The following NPEPPS variants were observed in gnomAD, a reference collection of about 807,000 sequenced individuals.
The protein encoded by NPEPPS is puromycin-sensitive aminopeptidase.
A neutral mutation model predicts 115.5 loss-of-function variants in NPEPPS; 14 were observed. The ratio of observed to expected loss-of-function variants is 0.12; its 90% confidence interval spans 0.08 to 0.19. The LOEUF is 0.19. Ranked by LOEUF, NPEPPS falls within the 10% of genes least tolerant of loss-of-function variation. The probability of loss-of-function intolerance (pLI) is 1.00; values close to 1 mark genes in which losing one functional copy is unlikely to be tolerated. For missense variants in NPEPPS, 523 were observed against 1,110.8 expected, an observed-to-expected ratio of 0.47 and a Z score of 7.52; for synonymous variants, 285 against 390.6, an observed-to-expected ratio of 0.73 and a Z score of 3.19.
intron 1 of NPEPPS, among the ~76,000 whole-genome samples, chr17:47,531,885 C>G (rs529419960): frequency 2.6e-5 from 4 of 152,172 alleles, no homozygotes; most frequent in African/African-American, 9.6e-5. Flanking sequence ...GCCCCGGACC[C>G]TTCTGGGCTT....
Position 47,622,679 on chromosome 17 carries a change from A to G in NPEPPS, c.*759A>G, listed in dbSNP as rs1416771697. ...AAGAAATAATAAGGAAACATCTTTC[A>G]TAGCCACATTAAATAAGAGAAACTG... On this transcript the variant is annotated 3_prime_UTR_variant, in exon 23 of 23. Transcript: ENST00000322157. 2.9e-6 allele frequency: 1 copy of G among 348,536 alleles called. No individual in the cohort carries two copies. Among genetic ancestry groups the G allele is most frequent in the Non-Finnish European group, 5.4e-6 (1 of 185,928 alleles). 21.6% of individuals were successfully genotyped at this position (348,536 alleles called of 1,614,324 possible). A position where few individuals can be genotyped will look rare whatever the true frequency, so the allele number is the denominator to read the frequency against.
In NPEPPS at chr17:47,610,532, C is replaced by T. The variant is rs193235509; in HGVS notation, c.2096-1928C>T. ...CCCAGTAGCTGGGGCTACAGGTGCACGCCACCACGCCCAGCTAATTTTTGT... is the reference window on the plus strand; with the variant it reads ...CCCAGTAGCTGGGGCTACAGGTGCATGCCACCACGCCCAGCTAATTTTTGT... On this transcript the variant is annotated intron_variant, in intron 17 of 22. Coordinates refer to ENST00000322157, the MANE Select transcript of NPEPPS (RefSeq NM_006310.4). Among the ~76,000 whole-genome samples the T allele has an allele frequency of 5.1e-3, 775 of 151,526 alleles. 5 individuals carry two copies. The highest frequency in any genetic ancestry group is 0.014 in the Middle Eastern group (4 of 294).
chr17:47,622,126 A>C lies in NPEPPS; in HGVS notation c.*206A>C. On this transcript the variant is annotated 3_prime_UTR_variant, in exon 23 of 23. Transcript: ENST00000322157. Reference sequence around the variant, plus strand: ...AAAATCAGCAATTCAGCAAAAAATAAATAAAAAATAAAAATGTAAATATGA... The same window carrying C: ...AAAATCAGCAATTCAGCAAAAAATACATAAAAAATAAAAATGTAAATATGA... The C allele has an allele frequency of 7.9e-7, 1 of 1,260,526 alleles. No individual in the cohort carries two copies. Among genetic ancestry groups the C allele is most frequent in the Non-Finnish European group, 1.0e-6 (1 of 994,442 alleles). The allele number at this position is 1,260,526 out of a possible 1,614,324, so 78.1% of individuals were successfully genotyped here.
At chr17:47,549,468 G>A (rs1909475377) in intron 2 of NPEPPS, among the ~76,000 whole-genome samples, 1 of 152,054 alleles carries the variant, frequency 6.6e-6, no homozygotes, top group African/African-American at 2.4e-5. Context: ...ATGGGAAGTT[G>A]TATGAGTTGT....
At chr17:47,530,351 GT>G (rs58886094), upstream of NPEPPS, among the ~76,000 whole-genome samples, 338 of 97,784 alleles carry the variant, frequency 3.5e-3, no homozygotes, top group African/African-American at 9.9e-3. Flanking sequence ...ATTATTAAAG[GT>G]TTTTTTTTTT....
rs1282710801 is a variant in NPEPPS, at chr17:47,601,645, C to T, written c.1638C>T (p.Ile546=). ...DCPQWMVPIT[I]STSEDPNQAK... ...CCCAGTGGATGGTCCCTATCACAAT[C>T]TCTACTAGTGAAGACCCCAACCAGG... is the stretch of plus-strand genomic sequence containing the variant. Residue 546 remains isoleucine (I), a synonymous_variant, in exon 15 of 23, where the codon ATC becomes ATT. Coordinates refer to ENST00000322157, the MANE Select transcript of NPEPPS (RefSeq NM_006310.4). 2 of 1,612,482 alleles carry T rather than the reference C, an allele frequency of 1.2e-6. No individual in the cohort carries two copies. Among genetic ancestry groups the T allele is most frequent in the African/African-American group, 2.7e-5 (2 of 74,796 alleles).
At chr17:47,563,717 C>A (rs547770875) in intron 2 of NPEPPS, among the ~76,000 whole-genome samples, 2 of 152,004 alleles carry the variant, frequency 1.3e-5, no homozygotes, top group East Asian at 3.9e-4. Context: ...ACTATAGGCA[C>A]GTGCCACCAC....
chr17:47,597,986 G>A (rs1457095664), intron 13 of NPEPPS, among the ~76,000 whole-genome samples: 1 of 152,174 alleles, frequency 6.6e-6, no homozygotes. Context: ...ATACCTGTAA[G>A]TTTAGTGACC....
Position 47,612,467 on chromosome 17 carries a change from C to G in NPEPPS, c.2103C>G (p.Leu701=), listed in dbSNP as rs201093766. The change falls in exon 18 of 23, where the codon CTC becomes CTG. Residue 701 remains leucine (L), a synonymous_variant. Coordinates refer to ENST00000322157, the MANE Select transcript of NPEPPS (RefSeq NM_006310.4). ...GWDPKPGEGH[L]DALLRGLVLG... The stretch of plus-strand genomic sequence containing the variant: ...TTTTACTTCTCAAATCAGGTCATCT[C>G]GATGCACTCCTGAGGGGCTTGGTTC... The G allele has an allele frequency of 1.1e-5, 17 of 1,613,544 alleles. No individual in the cohort carries two copies. Among genetic ancestry groups the G allele is most frequent in the Non-Finnish European group, 1.4e-5 (16 of 1,179,804 alleles).
chr17:47,583,923 T>TGGGGG (rs1912034856), intron 5 of NPEPPS, among the ~76,000 whole-genome samples: 1 of 140,098 alleles, frequency 7.1e-6, no homozygotes, highest in African/African-American at 2.7e-5. Context: ...CCCCATCTCT[T>TGGGGG]AAAAAAAAAA....
intron 3 of NPEPPS, among the ~76,000 whole-genome samples, chr17:47,570,416 T>C (rs1317004572): frequency 2.0e-5 from 3 of 152,214 alleles, no homozygotes; most frequent in Non-Finnish European, 4.4e-5. Flanking sequence ...AGTGGGACTC[T>C]GTCTAAAACA....
upstream of NPEPPS, among the ~76,000 whole-genome samples, chr17:47,527,436 C>G (rs1442757363): frequency 2.6e-5 from 4 of 151,410 alleles, no homozygotes; most frequent in Non-Finnish European, 5.9e-5. Context: ...GTGAGCCGAG[C>G]TCACACCATT....
intron 17 of NPEPPS, among the ~76,000 whole-genome samples, chr17:47,607,687 GGTGGTAAAGTCT>G (rs1362225165): frequency 6.6e-6 from 1 of 152,142 alleles, no homozygotes; most frequent in Admixed American, 6.5e-5. Flanking sequence ...AGAACTTACA[GGTGGTAAAGTCT>G]GTGTATATTT....
At chr17:47,548,590 CTTTTTTTT>C (rs538733982) in intron 2 of NPEPPS, among the ~76,000 whole-genome samples, 38 of 104,722 alleles carry the variant, frequency 3.6e-4, no homozygotes, top group Middle Eastern at 5.4e-3. Context: ...CTGAAAAGTT[CTTTTTTTT>C]TTTTTTTTTT....
At chr17:47,534,747 T>G (rs1175072040) in intron 1 of NPEPPS, among the ~76,000 whole-genome samples, 1 of 151,352 alleles carries the variant, frequency 6.6e-6, no homozygotes, top group Non-Finnish European at 1.5e-5. Context: ...TTTTGTATTT[T>G]TAGTAGAGAT....
intron 1 of NPEPPS, among the ~76,000 whole-genome samples, chr17:47,525,320 ATGAAGTCTG>A (rs1907388945): frequency 6.6e-6 from 1 of 152,114 alleles, no homozygotes; most frequent in Non-Finnish European, 1.5e-5. Flanking sequence ...TACTGCTGCC[ATGAAGTCTG>A]TGGCCCTAGT....
intron 20 of NPEPPS, 106 bp from the exon 21 acceptor site, chr17:47,618,903 A>G (rs1597900175): frequency 1.0e-6 from 1 of 995,350 alleles, no homozygotes; most frequent in South Asian, 1.6e-5. Context: ...AAAACAAGGA[A>G]TAAGTGTCTT....
At chr17:47,614,607 A>AT (rs1914077115) in intron 19 of NPEPPS, among the ~76,000 whole-genome samples, 1 of 152,210 alleles carries the variant, frequency 6.6e-6, no homozygotes, top group Non-Finnish European at 1.5e-5. Context: ...TGTCCTCATA[A>AT]TGGCAGCAGT....
intron 13 of NPEPPS, among the ~76,000 whole-genome samples, chr17:47,598,537 A>G (rs1486566959): frequency 2.0e-5 from 3 of 152,106 alleles, no homozygotes; most frequent in Admixed American, 2.0e-4. Context: ...CTTTGGGAGG[A>G]TCACTTGTGT....
Sources: allele counts gnomAD v4.1 joint callset (sites outside exome capture counted in the v4.1 genomes callset), GRCh38; gene constraint gnomAD v4.1.1; transcripts MANE v1.5; gene names NCBI Gene and HGNC (gene_info 2026-07-23, HGNC 2026-07-21).